Variants in PARD3 observed in about 807,000 individuals in gnomAD.
PARD3 encodes partitioning defective 3 homolog.
PARD3 carries 75 observed loss-of-function variants against 155.4 expected under a neutral mutation model. That is an observed-to-expected ratio of 0.48 (90% CI 0.40 to 0.58). PARD3 has a LOEUF of 0.58. Ranked by LOEUF, PARD3 falls within the 20% of genes least tolerant of loss-of-function variation. The pLI is 0.00. For synonymous variants in PARD3, 576 were observed against 610.5 expected (o/e 0.94, Z 0.83); for missense variants, 1,642 against 1,721.7 (o/e 0.95, Z 0.82).
chr10:34,169,466 T>C (rs548143519), intron 22 of PARD3, among the ~76,000 whole-genome samples: 2 of 152,144 alleles, frequency 1.3e-5, no homozygotes, highest in Admixed American at 1.3e-4. Context: ...ATGAGAAACT[T>C]GAAAACCCTA....
chr10:34,291,945 C>T (rs1391216885), intron 20 of PARD3, among the ~76,000 whole-genome samples: 1 of 152,144 alleles, frequency 6.6e-6, no homozygotes, highest in Non-Finnish European at 1.5e-5. Flanking sequence ...GACATTGTTC[C>T]TGAATAGAAC....
intron 22 of PARD3, among the ~76,000 whole-genome samples, chr10:34,237,053 A>T (rs1953280080): frequency 6.6e-6 from 1 of 152,222 alleles, no homozygotes; most frequent in Non-Finnish European, 1.5e-5. Context: ...AGCCTTTTAC[A>T]GCTAATACAA....
At chr10:34,427,515 A>G (rs914004418) in intron 5 of PARD3, among the ~76,000 whole-genome samples, 13 of 152,178 alleles carry the variant, frequency 8.5e-5, no homozygotes, top group African/African-American at 2.9e-4. Context: ...ATGACAATGC[A>G]TGCACAGCGG....
At chr10:34,169,365 G>A (rs1165568403) in intron 22 of PARD3, among the ~76,000 whole-genome samples, 3 of 152,210 alleles carry the variant, frequency 2.0e-5, no homozygotes, top group African/African-American at 7.2e-5. Context: ...GAGAAGACAC[G>A]CAGGAGAGCA....
chr10:34,588,919 T>C (rs921479005), intron 2 of PARD3, among the ~76,000 whole-genome samples: 7 of 152,194 alleles, frequency 4.6e-5, no homozygotes, highest in African/African-American at 1.2e-4. Context: ...TACTGCTCTA[T>C]TGAGAATAGT....
chr10:34,509,434 C>T (rs2081276860), intron 3 of PARD3, among the ~76,000 whole-genome samples: 2 of 152,242 alleles, frequency 1.3e-5, no homozygotes, highest in South Asian at 4.1e-4. Context: ...GAGGCAGTGT[C>T]CAGGGCCACA....
At chr10:34,223,360 C>T (rs936163334) in intron 22 of PARD3, among the ~76,000 whole-genome samples, 6 of 152,324 alleles carry the variant, frequency 3.9e-5, no homozygotes, top group African/African-American at 1.4e-4. Context: ...GCAATGCATA[C>T]ATTTAACAGG....
intron 2 of PARD3, among the ~76,000 whole-genome samples, chr10:34,590,909 C>G (rs2088617762): frequency 6.6e-6 from 1 of 152,208 alleles, no homozygotes; most frequent in Non-Finnish European, 1.5e-5. Flanking sequence ...AAATCTCTCT[C>G]TGTCCTTACT....
At chr10:34,143,416 C>A (rs1418759650) in intron 22 of PARD3, among the ~76,000 whole-genome samples, 1 of 152,168 alleles carries the variant, frequency 6.6e-6, no homozygotes, top group African/African-American at 2.4e-5. Flanking sequence ...TCATGTTCTT[C>A]TTCATATTAG....
Position 34,800,785 on chromosome 10 carries a change from T to C in PARD3, c.120+14091A>G, listed in dbSNP as rs16935733. ...CCTTCCCAACAACCTCCTAAACTAATAGGCAGATAAATAATGCCCCTGATA... is the reference window on the plus strand; with the variant it reads ...CCTTCCCAACAACCTCCTAAACTAACAGGCAGATAAATAATGCCCCTGATA... On this transcript the variant is annotated intron_variant, in intron 1 of 24. Coordinates refer to ENST00000374788, the MANE Select transcript of PARD3 (RefSeq NM_001184785.2). Among the ~76,000 whole-genome samples, 183 of 151,838 alleles carry C rather than the reference T, an allele frequency of 1.2e-3. 2 individuals carry two copies. In the East Asian group the frequency reaches 0.032, roughly 27 times the overall value.
intron 2 of PARD3, among the ~76,000 whole-genome samples, chr10:34,554,773 A>C (rs900579444): frequency 1.3e-5 from 2 of 152,222 alleles, no homozygotes; most frequent in African/African-American, 4.8e-5. Context: ...AAAAATTATT[A>C]AGATGAGGAA....
At chr10:34,544,979 A>T (rs74553205) in intron 2 of PARD3, among the ~76,000 whole-genome samples, 2 of 152,206 alleles carry the variant, frequency 1.3e-5, no homozygotes, top group Non-Finnish European at 2.9e-5. Flanking sequence ...TAGTACCTGT[A>T]TTGAGTTCGT....
chr10:34,661,275 T>C (rs2093319313), intron 2 of PARD3, among the ~76,000 whole-genome samples: 1 of 152,226 alleles, frequency 6.6e-6, no homozygotes, highest in Admixed American at 6.5e-5. Flanking sequence ...CCCAATGTGC[T>C]GACAAAGCTA....
intron 2 of PARD3, among the ~76,000 whole-genome samples, chr10:34,547,809 T>C (rs904492436): frequency 2.0e-5 from 3 of 152,202 alleles, no homozygotes; most frequent in South Asian, 2.1e-4. Flanking sequence ...GCTTAAAAAA[T>C]TTAAGCATTA....
At chr10:34,794,812 CAAGAAA>C (rs1842071895) in intron 1 of PARD3, among the ~76,000 whole-genome samples, 1 of 152,078 alleles carries the variant, frequency 6.6e-6, no homozygotes, top group Non-Finnish European at 1.5e-5. Context: ...TTGCCCAGAT[CAAGAAA>C]AAGATGACTT....
At chr10:34,704,906 ATT>A (rs1034870143) in intron 1 of PARD3, among the ~76,000 whole-genome samples, 5 of 152,200 alleles carry the variant, frequency 3.3e-5, no homozygotes, top group Non-Finnish European at 1.5e-5. Context: ...AAAACATTTC[ATT>A]TTTTTGTTTT....
chr10:34,717,777 A>C (rs1368939410), intron 1 of PARD3, among the ~76,000 whole-genome samples: 1 of 152,118 alleles, frequency 6.6e-6, no homozygotes, highest in Non-Finnish European at 1.5e-5. Flanking sequence ...AGAACCAAAC[A>C]CCCAGTCTGA....
intron 2 of PARD3, among the ~76,000 whole-genome samples, chr10:34,637,045 T>C (rs142304336): frequency 0.011 from 1,656 of 152,300 alleles, 52 homozygotes; most frequent in Admixed American, 0.073. Context: ...GCACAACTGA[T>C]ATAAAAACAA....
chr10:34,377,325 G>A (rs1269494625), intron 10 of PARD3, among the ~76,000 whole-genome samples: 1 of 152,140 alleles, frequency 6.6e-6, no homozygotes, highest in Non-Finnish European at 1.5e-5. Flanking sequence ...TAAACTAAAT[G>A]GGGCTGGGCA....
Sources: allele counts gnomAD v4.1 joint callset (sites outside exome capture counted in the v4.1 genomes callset), GRCh38; gene constraint gnomAD v4.1.1; transcripts MANE v1.5; gene names NCBI Gene and HGNC (gene_info 2026-07-23, HGNC 2026-07-21).